The following TPST1 variants were observed in gnomAD, a reference collection of about 807,000 sequenced individuals.
TPST1 encodes the protein tyrosylprotein sulfotransferase 1, also known as protein-tyrosine sulfotransferase 1.
Under a neutral mutation model 34.8 loss-of-function variants are expected in TPST1, and 20 were observed. The observed-to-expected ratio is 0.57, with a 90% CI of 0.40 to 0.84. TPST1 has a LOEUF of 0.84. TPST1 is among the 40% of genes least tolerant of loss of function. The probability of loss-of-function intolerance (pLI) is 0.00; values close to 1 mark genes in which losing one functional copy is unlikely to be tolerated. For synonymous variants in TPST1, 152 were observed against 159.4 expected, an observed-to-expected ratio of 0.95 and a Z score of 0.35; for missense variants, 353 against 455.5, an observed-to-expected ratio of 0.78 and a Z score of 2.05.
intron 1 of TPST1, among the ~76,000 whole-genome samples, chr7:66,224,932 T>TTTTTTG (rs1789619653): frequency 1.8e-5 from 2 of 108,336 alleles, no homozygotes; most frequent in South Asian, 3.4e-4. Context: ...TTTTTTTTTT[T>TTTTTTG]GTGAGATGGA....
chr7:66,356,716 T>C, intron 4 of TPST1, 109 bp from the exon 5 acceptor site: 1 of 1,287,748 alleles, frequency 7.8e-7, no homozygotes, highest in Non-Finnish European at 1.1e-6. Flanking sequence ...TGAGTTCATC[T>C]GAAAGTGAAC....
chr7:66,328,318 C>T (rs916098394), intron 3 of TPST1, among the ~76,000 whole-genome samples: 51 of 151,808 alleles, frequency 3.4e-4, no homozygotes, highest in African/African-American at 1.2e-3. Context: ...TGAGCCACCG[C>T]GCCTGGCCCT....
At chr7:66,313,618 C>G (rs1388861316) in intron 3 of TPST1, among the ~76,000 whole-genome samples, 1 of 152,074 alleles carries the variant, frequency 6.6e-6, no homozygotes, top group Admixed American at 6.5e-5. Flanking sequence ...TATCGTTCCT[C>G]ATATTTTCCA....
intron 1 of TPST1, among the ~76,000 whole-genome samples, chr7:66,229,142 G>A (rs1319786631): frequency 6.7e-6 from 1 of 148,784 alleles, no homozygotes; most frequent in Non-Finnish European, 1.5e-5. Context: ...AGACAGTCTC[G>A]CTCTGTCACC....
At chr7:66,327,043 A>T (rs190315306) in intron 3 of TPST1, among the ~76,000 whole-genome samples, 226 of 152,308 alleles carry the variant, frequency 1.5e-3, no homozygotes, top group African/African-American at 5.2e-3. Flanking sequence ...CATCTGGTGG[A>T]CCACAGGAGC....
At chr7:66,235,255 G>A (rs1293472219) in intron 1 of TPST1, among the ~76,000 whole-genome samples, 2 of 141,398 alleles carry the variant, frequency 1.4e-5, no homozygotes, top group African/African-American at 5.3e-5. Flanking sequence ...GCGCGAACTC[G>A]GCTCGCTGCA....
chr7:66,227,028 CTTTTTTTTTT>C lies in TPST1; in HGVS notation c.-101-13283_-101-13274del, dbSNP rs546339747. ...TTGGTGTTGGATGCCTTAAAATAAG[CTTTTTTTTTT>C]TTTTTTTTTTTTTGAGATGGAGTCT... On this transcript the variant is annotated intron_variant, in intron 1 of 5. Transcript: ENST00000304842. Among the ~76,000 whole-genome samples the C allele has an allele frequency of 3.8e-3, 263 of 69,218 alleles. 6 individuals carry two copies. Among genetic ancestry groups the C allele is most frequent in the African/African-American group, 0.017 (254 of 14,910 alleles). 45.4% of individuals were successfully genotyped at this position (69,218 alleles called of 152,430 possible).
intron 3 of TPST1, among the ~76,000 whole-genome samples, chr7:66,340,787 A>AATTAAT (rs1367759371): frequency 6.6e-6 from 1 of 152,156 alleles, no homozygotes; most frequent in Non-Finnish European, 1.5e-5. Flanking sequence ...GGATTAGAAG[A>AATTAAT]ATTAATATTG....
chr7:66,321,851 C>T (rs1216607774), intron 3 of TPST1, among the ~76,000 whole-genome samples: 1 of 152,172 alleles, frequency 6.6e-6, no homozygotes, highest in East Asian at 1.9e-4. Context: ...AGCACCTTTT[C>T]ATATGTCATT....
intron 1 of TPST1, among the ~76,000 whole-genome samples, chr7:66,226,943 T>A (rs1309097877): frequency 2.6e-5 from 4 of 150,970 alleles, no homozygotes; most frequent in Non-Finnish European, 5.9e-5. Context: ...ACTTTTTGGA[T>A]GCCTATAGGG....
intron 2 of TPST1, among the ~76,000 whole-genome samples, chr7:66,245,307 A>G (rs1414484049): frequency 6.6e-6 from 1 of 152,238 alleles, no homozygotes; most frequent in Non-Finnish European, 1.5e-5. Context: ...AGCATGGGCA[A>G]GTGAGAATTT....
upstream of TPST1, chr7:66,205,114 A>G (rs1006940797): frequency 3.3e-5 from 5 of 152,170 alleles, no homozygotes; most frequent in Non-Finnish European, 7.3e-5. This position sits in a 1 kb window ranked among gnomAD's most constrained non-coding sequence, Gnocchi z 5.0. Flanking sequence ...GCGCACGGGA[A>G]GGGCTGTGGG....
At chr7:66,306,753 C>T (rs917871472) in intron 3 of TPST1, among the ~76,000 whole-genome samples, 1 of 152,114 alleles carries the variant, frequency 6.6e-6, no homozygotes, top group African/African-American at 2.4e-5. Context: ...ACTCTTGGTG[C>T]CCAGGCTGGA....
rs118115333 is a variant in TPST1, at chr7:66,342,618, C to T, written c.1045-9887C>T. Among the ~76,000 whole-genome samples, 133 of 152,268 alleles carry T rather than the reference C, an allele frequency of 8.7e-4. 2 individuals carry two copies. In the East Asian group the frequency reaches 0.024, roughly 27 times the overall value. Reference sequence around the variant, plus strand: ...TGTACAAGAAGCATGGCACCAGCATCTATCTGCTTAGCTTCTGGTGAGGCC... The same window carrying T: ...TGTACAAGAAGCATGGCACCAGCATTTATCTGCTTAGCTTCTGGTGAGGCC... On this transcript the variant is annotated intron_variant, in intron 3 of 5. Transcript: ENST00000304842.
intron 3 of TPST1, among the ~76,000 whole-genome samples, chr7:66,334,361 C>T (rs1218798697): frequency 2.0e-5 from 3 of 152,060 alleles, no homozygotes; most frequent in East Asian, 1.9e-4. Context: ...TCAGGCTGGG[C>T]GCGGTGGCTC....
chr7:66,210,438 T>A, intron 1 of TPST1, among the ~76,000 whole-genome samples: 1 of 152,198 alleles, frequency 6.6e-6, no homozygotes, highest in East Asian at 1.9e-4. Context: ...TTCAGTGATT[T>A]TCAACATAGG....
chr7:66,218,934 G>A (rs1425857263), intron 1 of TPST1, among the ~76,000 whole-genome samples: 4 of 151,726 alleles, frequency 2.6e-5, no homozygotes, highest in Non-Finnish European at 4.4e-5. Context: ...AGGCTGGAGT[G>A]CAGTGGCGCA....
chr7:66,328,952 C>T (rs1461296195), intron 3 of TPST1, among the ~76,000 whole-genome samples: 1 of 116,732 alleles, frequency 8.6e-6, no homozygotes, highest in Non-Finnish European at 1.6e-5. Flanking sequence ...CATTCTGTCA[C>T]CCAGGCTGGA....
intron 3 of TPST1, among the ~76,000 whole-genome samples, chr7:66,338,240 G>T (rs2116313680): frequency 6.6e-6 from 1 of 152,068 alleles, no homozygotes; most frequent in Middle Eastern, 3.4e-3. Context: ...AAAAAGACAA[G>T]GCCATTATAT....
Sources: allele counts gnomAD v4.1 joint callset (sites outside exome capture counted in the v4.1 genomes callset), GRCh38; gene constraint gnomAD v4.1.1; non-coding constraint Gnocchi (gnomAD v3.1); transcripts MANE v1.5; gene names NCBI Gene and HGNC (gene_info 2026-07-23, HGNC 2026-07-21).